Variants in CLEC4A observed in about 807,000 individuals in gnomAD.
The protein encoded by CLEC4A is C-type lectin domain family 4 member A, also known as C-type (calcium dependent, carbohydrate-recognition domain) lectin, superfamily member 6.
In CLEC4A, 27 loss-of-function variants were observed where a neutral mutation model predicts 32.7. The ratio of observed to expected loss-of-function variants is 0.83; its 90% CI spans 0.61 to 1.14. The LOEUF (loss-of-function observed/expected upper bound fraction) is 1.14, where lower values mean the gene tolerates loss of function less well. Among genes scored for constraint, CLEC4A ranks in the 50% most tolerant of loss-of-function variants. CLEC4A has a pLI of 0.00. For synonymous variants in CLEC4A, 89 were observed against 93.7 expected, an observed-to-expected ratio of 0.95 and a Z score of 0.29; for missense variants, 253 against 274.6, an observed-to-expected ratio of 0.92 and a Z score of 0.55.
chr12:8,138,473 G>C lies in CLEC4A; in HGVS notation c.*186G>C, dbSNP rs1339735062. 5 of 676,948 alleles carry C rather than the reference G, an allele frequency of 7.4e-6. No individual in the cohort carries two copies. Among genetic ancestry groups the C allele is most frequent in the Non-Finnish European group, 1.2e-5 (5 of 423,664 alleles). The allele number at this position is 676,948 out of a possible 1,614,324, so 41.9% of individuals were successfully genotyped here. ...CTTTTTCATAAAGTGAGCATTTATT[G>C]AGCATTTTTTCATGTGCCAGAGCCT... On this transcript the variant is annotated 3_prime_UTR_variant, in exon 6 of 6. Transcript: ENST00000229332.
the CLEC4A span, among the ~76,000 whole-genome samples, chr12:8,116,142 A>G: frequency 6.6e-6 from 1 of 152,084 alleles, no homozygotes; most frequent in Non-Finnish European, 1.5e-5. Flanking sequence ...TTGTATTTTT[A>G]GTAGAGACAG....
chr12:8,104,174 T>G, the CLEC4A span, among the ~76,000 whole-genome samples: 10,306 of 152,246 alleles, frequency 0.068, 759 homozygotes, highest in African/African-American at 0.18. Flanking sequence ...CTCATTTTTT[T>G]TTTTTTTTAG....
chr12:8,133,888 G>T, intron 3 of CLEC4A: 1 of 1,590,952 alleles, frequency 6.3e-7, no homozygotes, highest in Non-Finnish European at 8.6e-7. Context: ...CATAGCCTGG[G>T]GTACCAAAAT....
chr12:8,134,170 C>T (rs111886055), intron 3 of CLEC4A: 2 of 1,609,294 alleles, frequency 1.2e-6, no homozygotes, highest in Admixed American at 1.7e-5. Flanking sequence ...TCTTTCGGGC[C>T]TGCACGAGGG....
the CLEC4A span, among the ~76,000 whole-genome samples, chr12:8,113,938 T>G: frequency 1.3e-5 from 2 of 152,224 alleles, no homozygotes; most frequent in South Asian, 4.1e-4. Context: ...GGATCAGGGT[T>G]TCCTCATGGT....
chr12:8,114,524 G>A, the CLEC4A span, among the ~76,000 whole-genome samples: 1 of 152,174 alleles, frequency 6.6e-6, no homozygotes, highest in South Asian at 2.1e-4. Flanking sequence ...GATTACAGGC[G>A]TGAGCCACCG....
intron 3 of CLEC4A, chr12:8,134,031 G>A (rs1423393494): frequency 1.1e-5 from 18 of 1,601,370 alleles, no homozygotes; most frequent in South Asian, 3.4e-5. Flanking sequence ...AACCACACTC[G>A]GACCACATCC....
At position 8,134,330 on chromosome 12, in the gene CLEC4A, A is replaced by G. The variant is rs190024572; in HGVS notation, c.299-1255A>G. 1.0e-4 allele frequency: 166 copies of G among 1,611,838 alleles called. No homozygotes were observed. The African/African-American group carries it at 1.3e-3, about 13-fold the overall frequency. ...GGTCGTTTGGCTGAACACCTTCCCA[A>G]ATAGAACCCCCAGGGTGAGCCACAT... On this transcript the variant is annotated intron_variant, in intron 3 of 5. Coordinates refer to ENST00000229332, the MANE Select transcript of CLEC4A (RefSeq NM_016184.4).
intron 1 of CLEC4A, among the ~76,000 whole-genome samples, chr12:8,124,173 C>T (rs1220448085): frequency 6.6e-6 from 1 of 152,180 alleles, no homozygotes. Context: ...CCACTCTCTT[C>T]AGCCTCCACT....
intron 3 of CLEC4A, chr12:8,133,873 G>A: frequency 6.3e-7 from 1 of 1,584,432 alleles, no homozygotes; most frequent in Non-Finnish European, 8.6e-7. Context: ...TGAAGTGAGG[G>A]CTCCCATAGC....
At chr12:8,126,709 A>AT (rs1947907135) in intron 2 of CLEC4A, among the ~76,000 whole-genome samples, 2 of 152,256 alleles carry the variant, frequency 1.3e-5, no homozygotes, top group South Asian at 4.1e-4. Flanking sequence ...TGGTTATAAC[A>AT]TTGTATGGTA....
intron 3 of CLEC4A, among the ~76,000 whole-genome samples, chr12:8,129,563 C>T (rs923610303): frequency 2.6e-5 from 4 of 152,150 alleles, no homozygotes; most frequent in South Asian, 2.1e-4. Context: ...GAGGCTGAGG[C>T]GTGTGGATCA....
At position 8,134,503 on chromosome 12, in the gene CLEC4A, C is replaced by T. The variant is rs754160140; in HGVS notation, c.299-1082C>T. The T allele has an allele frequency of 1.2e-5, 20 of 1,613,900 alleles. No homozygotes were observed. In the Admixed American group the frequency reaches 2.8e-4, roughly 23 times the overall value. On this transcript the variant is annotated intron_variant, in intron 3 of 5. Transcript: ENST00000229332. ...TCCAGCTTCACGGCACCAGAGGGGA[C>T]GGTGCAGGGCTCCGGGGAGGCCCCA...
the CLEC4A span, among the ~76,000 whole-genome samples, chr12:8,116,381 C>T: frequency 6.6e-6 from 1 of 152,108 alleles, no homozygotes; most frequent in African/African-American, 2.4e-5. Context: ...GGATTTCAGG[C>T]GTGAGTCATC....
In CLEC4A at chr12:8,134,803, C is replaced by T. The variant is rs144623077; in HGVS notation, c.299-782C>T. 1.1e-3 allele frequency: 1,707 copies of T among 1,551,266 alleles called. 16 individuals carry two copies. The African/African-American group carries it at 0.02, about 19-fold the overall frequency. ...GGCCCCCCTGGCCCATCACCTCCAC[C>T]GCCTGGAGGGGGTGAGAAGGCGAAA... On this transcript the variant is annotated intron_variant, in intron 3 of 5. Coordinates refer to ENST00000229332, the MANE Select transcript of CLEC4A (RefSeq NM_016184.4).
intron 3 of CLEC4A, chr12:8,134,994 T>TTTTTTTTTTTTTTTTTTTTTTG (rs1948080858): frequency 4.1e-6 from 1 of 243,218 alleles, no homozygotes; most frequent in Non-Finnish European, 6.6e-6. Context: ...TTGTTTTTTT[T>TTTTTTTTTTTTTTTTTTTTTTG]TAATCATGGC....
intron 3 of CLEC4A, among the ~76,000 whole-genome samples, chr12:8,131,391 G>A (rs1947993858): frequency 6.6e-6 from 1 of 152,230 alleles, no homozygotes; most frequent in South Asian, 2.1e-4. Context: ...GACTCAGGAA[G>A]GAGTAAGAGT....
chr12:8,122,201 C>CAGAAACTT (rs1947837596), upstream of CLEC4A, among the ~76,000 whole-genome samples: 1 of 151,580 alleles, frequency 6.6e-6, no homozygotes, highest in South Asian at 2.1e-4. Context: ...GTGTGGGTTT[C>CAGAAACTT]AGAAACTTAG....
At chr12:8,132,928 T>C (rs1683862023) in intron 3 of CLEC4A, among the ~76,000 whole-genome samples, 1 of 152,088 alleles carries the variant, frequency 6.6e-6, no homozygotes, top group Non-Finnish European at 1.5e-5. Flanking sequence ...TTTGTTTTTG[T>C]TTTTCAGACG....
Sources: gnomAD v4.1 joint callset for allele counts (sites outside exome capture counted in the v4.1 genomes callset) on GRCh38, gnomAD v4.1.1 for gene constraint, MANE v1.5 for transcripts, NCBI Gene and HGNC (gene_info 2026-07-23, HGNC 2026-07-21) for gene names.